GMDS: variants seen among roughly 807,000 people sequenced by gnomAD.
GMDS encodes the protein GDP-mannose 4,6 dehydratase.
GMDS carries 20 observed loss-of-function variants against 49.9 expected under a neutral mutation model. The ratio of observed to expected loss-of-function variants is 0.40; its 90% CI spans 0.28 to 0.58. The LOEUF is 0.58. Ranked by LOEUF, GMDS falls within the 20% of genes least tolerant of loss-of-function variation. The probability of loss-of-function intolerance (pLI) is 0.42; values close to 1 mark genes in which losing one functional copy is unlikely to be tolerated. For missense variants in GMDS, 362 were observed against 481.4 expected (o/e 0.75, Z 2.32); for synonymous variants, 177 against 178.6 (o/e 0.99, Z 0.07).
chr6:1,690,247 A>G (rs753761203), intron 9 of GMDS, among the ~76,000 whole-genome samples: 19 of 152,118 alleles, frequency 1.2e-4, no homozygotes, highest in Non-Finnish European at 2.4e-4. Context: ...CCATTTGTCA[A>G]TTTTTGCTTT....
intron 1 of GMDS, among the ~76,000 whole-genome samples, chr6:2,177,721 G>T (rs936844432): frequency 6.6e-6 from 1 of 152,164 alleles, no homozygotes; most frequent in African/African-American, 2.4e-5. Flanking sequence ...TGTATGATCA[G>T]ATGACAGCCC....
intron 4 of GMDS, 88 bp from the exon 5 acceptor site, chr6:1,961,054 C>A (rs1372203708): frequency 3.1e-6 from 2 of 650,562 alleles, no homozygotes; most frequent in East Asian, 2.7e-5. Flanking sequence ...CAATTTCACA[C>A]ACTGTGAAAT....
intron 4 of GMDS, among the ~76,000 whole-genome samples, chr6:2,059,745 C>T (rs1483956539): frequency 7.7e-6 from 1 of 129,582 alleles, no homozygotes; most frequent in Non-Finnish European, 1.7e-5. Context: ...CTGTTCAACT[C>T]CTAAAGAAAA....
At chr6:2,228,947 T>C (rs1340626063) in intron 1 of GMDS, among the ~76,000 whole-genome samples, 1 of 152,162 alleles carries the variant, frequency 6.6e-6, no homozygotes, top group African/African-American at 2.4e-5. Context: ...CACCAGAGGC[T>C]AGCTCCTGGA....
intron 8 of GMDS, among the ~76,000 whole-genome samples, chr6:1,737,660 C>T (rs539752658): frequency 1.2e-4 from 18 of 148,298 alleles, no homozygotes; most frequent in Non-Finnish European, 2.1e-4. Flanking sequence ...CATACACACA[C>T]CACACACACA....
intron 8 of GMDS, among the ~76,000 whole-genome samples, chr6:1,741,245 T>C (rs1767258441): frequency 6.6e-6 from 1 of 152,186 alleles, no homozygotes; most frequent in Non-Finnish European, 1.5e-5. Context: ...TTGTTAACCT[T>C]AGACACCCTA....
At chr6:1,761,552 GC>G (rs1768156493) in intron 7 of GMDS, among the ~76,000 whole-genome samples, 1 of 152,180 alleles carries the variant, frequency 6.6e-6, no homozygotes, top group Admixed American at 6.5e-5. Flanking sequence ...GTTCTGAGGA[GC>G]AAGCTTTTCT....
intron 4 of GMDS, among the ~76,000 whole-genome samples, chr6:2,045,263 T>C (rs1024869701): frequency 2.0e-5 from 3 of 152,096 alleles, no homozygotes; most frequent in African/African-American, 7.2e-5. Context: ...TTTAGGCGTG[T>C]CTTTCTTCTC....
At chr6:1,687,974 T>C (rs1408521729) in intron 9 of GMDS, among the ~76,000 whole-genome samples, 1 of 152,122 alleles carries the variant, frequency 6.6e-6, no homozygotes, top group East Asian at 1.9e-4. Flanking sequence ...TGAGAGGTAA[T>C]GTGGTCTCAC....
chr6:1,781,630 CCACA>C (rs59170019), intron 7 of GMDS, among the ~76,000 whole-genome samples: 2 of 151,400 alleles, frequency 1.3e-5, no homozygotes, highest in Non-Finnish European at 3.0e-5. Flanking sequence ...GATGGCTCTT[CCACA>C]CATGGCCTTA....
chr6:2,105,181 CAAAAAAAAAAAA>C (rs530164439), intron 4 of GMDS, among the ~76,000 whole-genome samples: 94 of 64,436 alleles, frequency 1.5e-3, no homozygotes, highest in South Asian at 6.7e-3. Flanking sequence ...GACTCCGTCT[CAAAAAAAAAAAA>C]AAAAAAAAAA....
intron 4 of GMDS, among the ~76,000 whole-genome samples, chr6:1,997,477 C>A (rs543828354): frequency 6.5e-5 from 9 of 138,148 alleles, no homozygotes; most frequent in Admixed American, 3.9e-4. Flanking sequence ...CACTGCACTC[C>A]AGCCTGGGAG....
At chr6:1,849,529 G>A (rs1377156351) in intron 7 of GMDS, among the ~76,000 whole-genome samples, 3 of 152,172 alleles carry the variant, frequency 2.0e-5, no homozygotes, top group Non-Finnish European at 2.9e-5. Flanking sequence ...AGGAAAGTTT[G>A]CTGACTTGCT....
intron 1 of GMDS, among the ~76,000 whole-genome samples, chr6:2,132,336 G>A (rs1015383723): frequency 1.3e-5 from 2 of 152,154 alleles, no homozygotes; most frequent in African/African-American, 4.8e-5. Context: ...CACCCATTTG[G>A]ACCATAGGTG....
intron 7 of GMDS, among the ~76,000 whole-genome samples, chr6:1,822,446 A>G (rs1331741949): frequency 6.6e-6 from 1 of 151,656 alleles, no homozygotes; most frequent in East Asian, 1.9e-4. Flanking sequence ...AAAAAGAGGG[A>G]AAAAAATACA....
intron 9 of GMDS, among the ~76,000 whole-genome samples, chr6:1,654,501 A>G (rs1763810045): frequency 6.6e-6 from 1 of 152,254 alleles, no homozygotes; most frequent in East Asian, 1.9e-4. Flanking sequence ...AAGTGAAATA[A>G]GCCCATTATG....
intron 4 of GMDS, among the ~76,000 whole-genome samples, chr6:2,019,078 G>A (rs1490811493): frequency 6.6e-6 from 1 of 151,048 alleles, no homozygotes. Flanking sequence ...TTTCCCTGAT[G>A]GTTAATAATG....
chr6:1,893,313 C>A (rs1286307830), intron 7 of GMDS, among the ~76,000 whole-genome samples: 3 of 151,500 alleles, frequency 2.0e-5, no homozygotes, highest in Admixed American at 6.6e-5. Context: ...CCTGCCTCTG[C>A]CTCCTGAGTA....
At chr6:1,692,441 G>A (rs556521639) in intron 9 of GMDS, among the ~76,000 whole-genome samples, 13 of 152,260 alleles carry the variant, frequency 8.5e-5, no homozygotes, top group African/African-American at 2.4e-4. Context: ...ATTTGTGTTC[G>A]TAGTTTTCAT....
Sources: gnomAD v4.1 joint callset for allele counts (sites outside exome capture counted in the v4.1 genomes callset) on GRCh38, gnomAD v4.1.1 for gene constraint, MANE v1.5 for transcripts, NCBI Gene and HGNC (gene_info 2026-07-23, HGNC 2026-07-21) for gene names.